The following RILP variants were observed in gnomAD, a reference collection of about 807,000 sequenced individuals.
The protein encoded by RILP is Rab interacting lysosomal protein.
In RILP, 53 loss-of-function variants were observed where a neutral mutation model predicts 40.0. The observed-to-expected ratio is 1.32, with a 90% CI of 1.06 to 1.66. The LOEUF (loss-of-function observed/expected upper bound fraction) is 1.66, where lower values mean the gene tolerates loss of function less well. RILP is among the 40% of genes most tolerant of loss of function. The probability of loss-of-function intolerance (pLI) is 0.00; values close to 1 mark genes in which losing one functional copy is unlikely to be tolerated. For synonymous variants in RILP, 272 were observed against 250.6 expected (o/e 1.09, Z -0.80); for missense variants, 626 against 551.7 (o/e 1.13, Z -1.35).
At position 1,649,495 on chromosome 17, in the gene RILP, G is replaced by C. The variant is rs981896746; in HGVS notation, c.239C>G (p.Ser80Trp). The change falls in exon 2 of 8, where the codon TCG (serine) becomes TGG (tryptophan). Residue 80 changes from serine (S) to tryptophan (W), a missense_variant. Transcript: ENST00000301336. The surrounding 1 kb of genome is among the most constrained non-coding windows in gnomAD (Gnocchi z 4.3). Reference protein sequence around the residue: ...VGPAPDSLQVSAQPAEQELRR... With the variant: ...VGPAPDSLQVWAQPAEQELRR... Reference sequence around the variant, plus strand: ...CAGCTCCTGCTCCGCCGGCTGCGCCGACACCTGCAGCTGGGGAGACCCGGG... The same window carrying C: ...CAGCTCCTGCTCCGCCGGCTGCGCCCACACCTGCAGCTGGGGAGACCCGGG... The C allele has an allele frequency of 1.9e-5, 28 of 1,508,624 alleles. No individual in the cohort carries two copies. The highest frequency in any genetic ancestry group is 8.8e-6 in the Non-Finnish European group (10 of 1,137,008). 93.5% of individuals were successfully genotyped at this position (1,508,624 alleles called of 1,614,324 possible). A position where few individuals can be genotyped will look rare whatever the true frequency, so the allele number is the denominator to read the frequency against.
Position 1,646,483 on chromosome 17 carries a change from C to T in RILP, c.1165G>A (p.Glu389Lys), listed in dbSNP as rs750685599. 66 of 1,605,744 alleles carry T rather than the reference C, an allele frequency of 4.1e-5. No homozygotes were observed. Among genetic ancestry groups the T allele is most frequent in the Non-Finnish European group, 5.2e-5 (61 of 1,176,620 alleles). ...GCTGAGGCCCCCAGACAAAGGTGTT[C>T]GTGGAGGGCAGAACAGGGCGGATCA... The part of the protein sequence containing the change: ...APDPPCSALH[E>K]HLCLGASAAP... The change falls in exon 8 of 8, where the codon GAA becomes AAA. Residue 389 changes from glutamate to lysine, a missense_variant. By Grantham distance (56) the Glu-to-Lys change is moderately conservative. Coordinates refer to ENST00000301336, the MANE Select transcript of RILP (RefSeq NM_031430.3). This position sits in a 1 kb window ranked among gnomAD's most constrained non-coding sequence, Gnocchi z 4.3.
At chr17:1,647,098 G>T in intron 6 of RILP, 109 bp from the exon 7 acceptor site, 1 of 589,990 alleles carries the variant, frequency 1.7e-6, no homozygotes, top group Non-Finnish European at 2.8e-6. Flanking sequence ...GGGCTGGAGA[G>T]AAGGCAACCC....
Position 1,649,073 on chromosome 17 carries a change from C to T in RILP, c.430-29G>A. 1.9e-6 allele frequency: 1 copy of T among 521,590 alleles called. No individual in the cohort carries two copies. Among genetic ancestry groups the T allele is most frequent in the Admixed American group, 2.7e-4 (1 of 3,688 alleles). 32.3% of individuals were successfully genotyped at this position (521,590 alleles called of 1,614,324 possible). On this transcript the variant is annotated intron_variant, in intron 3 of 7. Transcript: ENST00000301336. This position sits in a 1 kb window ranked among gnomAD's most constrained non-coding sequence, Gnocchi z 4.3. ...GGAGCGGAGCAAAGGGTGGGGTGGG[C>T]GGGGCACCGAGGGCCCCCCGGAGCC...
In RILP at chr17:1,648,821, G is replaced by A. The variant is rs1156243099; in HGVS notation, c.653C>T (p.Ala218Val). The A allele has an allele frequency of 1.3e-6, 2 of 1,527,394 alleles. No individual in the cohort carries two copies. Among genetic ancestry groups the A allele is most frequent in the Admixed American group, 4.1e-5 (2 of 48,516 alleles). 94.6% of individuals were successfully genotyped at this position (1,527,394 alleles called of 1,614,324 possible). A position where few individuals can be genotyped will look rare whatever the true frequency, so the allele number is the denominator to read the frequency against. ...CACCGGGTCCTCAGGGTTCCCTGGG[G>A]CGCCTGCGCCGGCGGTCGCCCATTC... ...EPEWATAGAG[A>V]PGNPEDPAEA... The change falls in exon 4 of 8, where the codon GCC (alanine) becomes GTC (valine). Residue 218 changes from alanine to valine, a missense_variant. By Grantham distance (64) the Ala-to-Val change is moderately conservative. Transcript: ENST00000301336. The surrounding 1 kb of genome is among the most constrained non-coding windows in gnomAD (Gnocchi z 4.9).
In RILP at chr17:1,649,486, G is replaced by T. The variant is rs934175027; in HGVS notation, c.248C>A (p.Pro83Gln). ...CAGCCGCCGCAGCTCCTGCTCCGCC[G>T]GCTGCGCCGACACCTGCAGCTGGGG... ...APDSLQVSAQPAEQELRRLRE... is the reference protein window; with the variant it reads ...APDSLQVSAQQAEQELRRLRE... The change falls in exon 2 of 8, where the codon CCG (proline) becomes CAG (glutamine). Residue 83 changes from proline to glutamine, a missense_variant. Coordinates refer to ENST00000301336, the MANE Select transcript of RILP (RefSeq NM_031430.3). The surrounding 1 kb of genome is among the most constrained non-coding windows in gnomAD (Gnocchi z 4.3). 1.3e-5 allele frequency: 19 copies of T among 1,509,694 alleles called. 1 individual carries two copies. The highest frequency in any genetic ancestry group is 1.7e-5 in the Non-Finnish European group (19 of 1,137,478). 93.5% of individuals were successfully genotyped at this position (1,509,694 alleles called of 1,614,324 possible).
rs534151615 is a variant in RILP, at chr17:1,648,406, C to T, written c.765G>A (p.Arg255=). The T allele has an allele frequency of 1.1e-5, 18 of 1,614,038 alleles. No individual in the cohort carries two copies. Among genetic ancestry groups the T allele is most frequent in the Non-Finnish European group, 1.5e-5 (18 of 1,180,028 alleles). ...REEFEQILQE[R]NELKAKVFLL... The stretch of plus-strand genomic sequence containing the variant: ...GGAACACTTTGGCTTTGAGTTCATT[C>T]CGCTCCTGAAGGATCTGCTCAAACT... Residue 255 remains arginine, a synonymous_variant, in exon 5 of 8, where the codon CGG becomes CGA. Transcript: ENST00000301336. This position sits in a 1 kb window ranked among gnomAD's most constrained non-coding sequence, Gnocchi z 4.9.
rs1398118496 is a variant in RILP at position 1,648,834 on chromosome 17, C to T, written c.640G>A (p.Ala214Thr). The change falls in exon 4 of 8, where the codon GCC becomes ACC. Residue 214 changes from alanine to threonine, a missense_variant. By Grantham distance (58) the Ala-to-Thr change is moderately conservative. Coordinates refer to ENST00000301336, the MANE Select transcript of RILP (RefSeq NM_031430.3). The surrounding 1 kb of genome is among the most constrained non-coding windows in gnomAD (Gnocchi z 4.9). ...QHGQEPEWAT[A>T]GAGAPGNPED... ...GGGTTCCCTGGGGCGCCTGCGCCGG[C>T]GGTCGCCCATTCGGGCTCCTGTCCG... 4 of 1,535,752 alleles carry T rather than the reference C, an allele frequency of 2.6e-6. No homozygotes were observed. The South Asian group carries it at 3.6e-5, about 14-fold the overall frequency.
chr17:1,649,152 T>TGCCACGCTCCGCCCCC lies in RILP; in HGVS notation c.429+32_429+47dup, dbSNP rs1910803182. On this transcript the variant is annotated intron_variant, in intron 3 of 7. Transcript: ENST00000301336. This position sits in a 1 kb window ranked among gnomAD's most constrained non-coding sequence, Gnocchi z 4.3. ...CGCCCCCGGAGCCCCGCCCAGCGCC[T>TGCCACGCTCCGCCCCC]GCCACGCTCCGCCCCCGCCCCGCCC... The TGCCACGCTCCGCCCCC allele has an allele frequency of 6.9e-6, 5 of 720,740 alleles. No homozygotes were observed. The highest frequency in any genetic ancestry group is 9.2e-6 in the Non-Finnish European group (5 of 542,296). The allele number at this position is 720,740 out of a possible 1,614,324, so 44.6% of individuals were successfully genotyped here.
Position 1,648,004 on chromosome 17 carries a change from A to G in RILP, c.822-47T>C, listed in dbSNP as rs1910714680. On this transcript the variant is annotated intron_variant, in intron 5 of 7. Coordinates refer to ENST00000301336, the MANE Select transcript of RILP (RefSeq NM_031430.3). This position sits in a 1 kb window ranked among gnomAD's most constrained non-coding sequence, Gnocchi z 4.9. Reference sequence around the variant, plus strand: ...GGAGAAAGCCCTGGTGATGCCAGCCATGGGGATGCCAGCAGTGGAGATGCC... The same window carrying G: ...GGAGAAAGCCCTGGTGATGCCAGCCGTGGGGATGCCAGCAGTGGAGATGCC... 1 of 1,608,786 alleles carries G rather than the reference A, an allele frequency of 6.2e-7. No individual in the cohort carries two copies. Among genetic ancestry groups the G allele is most frequent in the Non-Finnish European group, 8.5e-7 (1 of 1,178,766 alleles).
At position 1,646,359 on chromosome 17, in the gene RILP, G is replaced by A. The variant is rs1413967666; in HGVS notation, c.*83C>T. On this transcript the variant is annotated 3_prime_UTR_variant, in exon 8 of 8. Transcript: ENST00000301336. This position sits in a 1 kb window ranked among gnomAD's most constrained non-coding sequence, Gnocchi z 4.3. Reference sequence around the variant, plus strand: ...CTGCCCTGATGCAGGCCAGGATTGGGGCAGACCCCTGGCGAGGGCTGTGAA... The same window carrying A: ...CTGCCCTGATGCAGGCCAGGATTGGAGCAGACCCCTGGCGAGGGCTGTGAA... The A allele has an allele frequency of 3.6e-6, 5 of 1,372,224 alleles. No homozygotes were observed. In the South Asian group the frequency reaches 7.1e-5, roughly 19 times the overall value. 85.0% of individuals were successfully genotyped at this position (1,372,224 alleles called of 1,614,324 possible).
rs1408008720 is a variant in RILP at position 1,649,513 on chromosome 17, G to C, written c.229-8C>G. 2 of 1,505,544 alleles carry C rather than the reference G, an allele frequency of 1.3e-6. No individual in the cohort carries two copies. Among genetic ancestry groups the C allele is most frequent in the African/African-American group, 2.9e-5 (2 of 70,042 alleles). 93.3% of individuals were successfully genotyped at this position (1,505,544 alleles called of 1,614,324 possible). A position where few individuals can be genotyped will look rare whatever the true frequency, so the allele number is the denominator to read the frequency against. ...CTGCGCCGACACCTGCAGCTGGGGAGACCCGGGTCTCAGGCTTCGGCCCTG... is the reference window on the plus strand; with the variant it reads ...CTGCGCCGACACCTGCAGCTGGGGACACCCGGGTCTCAGGCTTCGGCCCTG... On this transcript the variant is annotated splice_polypyrimidine_tract_variant and splice_region_variant and intron_variant, in intron 1 of 7. Transcript: ENST00000301336. The surrounding 1 kb of genome is among the most constrained non-coding windows in gnomAD (Gnocchi z 4.3).
At chr17:1,647,709 T>C in intron 6 of RILP, 126 bp downstream of exon 6, 1 of 1,247,530 alleles carries the variant, frequency 8.0e-7, no homozygotes, top group Non-Finnish European at 1.1e-6. Context: ...GCTCAAGGGG[T>C]GACCGGGTTG....
rs1442774933 is a variant in RILP, at chr17:1,649,060, A to G, written c.430-16T>C. ...GCTCCTGCAACTGGGAGCGGAGCAA[A>G]GGGTGGGGTGGGCGGGGCACCGAGG... On this transcript the variant is annotated splice_polypyrimidine_tract_variant and intron_variant, in intron 3 of 7. Transcript: ENST00000301336. The surrounding 1 kb of genome is among the most constrained non-coding windows in gnomAD (Gnocchi z 4.3). 3.3e-5 allele frequency: 1 copy of G among 30,162 alleles called. No individual in the cohort carries two copies. The highest frequency in any genetic ancestry group is 5.4e-5 in the Non-Finnish European group (1 of 18,524). 1.9% of individuals were successfully genotyped at this position (30,162 alleles called of 1,614,324 possible). A position where few individuals can be genotyped will look rare whatever the true frequency, so the allele number is the denominator to read the frequency against.
At position 1,646,416 on chromosome 17, in the gene RILP, C is replaced by A. The variant is rs1216356776; in HGVS notation, c.*26G>T. ...AGCCCTGTCCTCATTTGAGGCCACA[C>A]ATCCTTCCACAGCCAGACCCCTAAG... On this transcript the variant is annotated 3_prime_UTR_variant, in exon 8 of 8. Transcript: ENST00000301336. This position sits in a 1 kb window ranked among gnomAD's most constrained non-coding sequence, Gnocchi z 4.3. 1 of 1,532,860 alleles carries A rather than the reference C, an allele frequency of 6.5e-7. No homozygotes were observed. Among genetic ancestry groups the A allele is most frequent in the Non-Finnish European group, 8.8e-7 (1 of 1,141,118 alleles). The allele number at this position is 1,532,860 out of a possible 1,614,324, so 95.0% of individuals were successfully genotyped here. A position where few individuals can be genotyped will look rare whatever the true frequency, so the allele number is the denominator to read the frequency against.
rs1910774719 is a variant in RILP at position 1,648,916 on chromosome 17, C to G, written c.558G>C (p.Ala186=). The G allele has an allele frequency of 2.0e-6, 3 of 1,522,148 alleles. No individual in the cohort carries two copies. The highest frequency in any genetic ancestry group is 2.6e-6 in the Non-Finnish European group (3 of 1,141,768). The allele number at this position is 1,522,148 out of a possible 1,614,324, so 94.3% of individuals were successfully genotyped here. The part of the protein sequence containing the change: ...ERERQQPGEA[A]TPQAKERARG... ...GCGCTCGCTCTTTAGCCTGCGGAGT[C>G]GCGGCTTCGCCAGGCTGCTGGCGCT... The change falls in exon 4 of 8, where the codon GCG becomes GCC. Residue 186 remains alanine, a synonymous_variant. Coordinates refer to ENST00000301336, the MANE Select transcript of RILP (RefSeq NM_031430.3). This position sits in a 1 kb window ranked among gnomAD's most constrained non-coding sequence, Gnocchi z 4.9.
Position 1,646,290 on chromosome 17 carries a change from C to T in RILP, c.*152G>A. ...GCACTCTTATATCTGGCCCCAGAGG[C>T]TCGGTACAGAGACGTAGAGAGGGAG... On this transcript the variant is annotated 3_prime_UTR_variant, in exon 8 of 8. Transcript: ENST00000301336. The surrounding 1 kb of genome is among the most constrained non-coding windows in gnomAD (Gnocchi z 4.3). 1 of 619,060 alleles carries T rather than the reference C, an allele frequency of 1.6e-6. No homozygotes were observed. The highest frequency in any genetic ancestry group is 2.6e-6 in the Non-Finnish European group (1 of 385,064). 38.3% of individuals were successfully genotyped at this position (619,060 alleles called of 1,614,324 possible).
In RILP at chr17:1,649,351, G is replaced by A. The variant is rs1253820764; in HGVS notation, c.323-45C>T. The A allele has an allele frequency of 1.3e-6, 2 of 1,486,666 alleles. No individual in the cohort carries two copies. The highest frequency in any genetic ancestry group is 1.8e-6 in the Non-Finnish European group (2 of 1,123,926). The allele number at this position is 1,486,666 out of a possible 1,614,324, so 92.1% of individuals were successfully genotyped here. ...AGCGGCGGCGGCGCGCGGCCCGCGGGAGGGAGGGGAGGACCCGAGCAGGTC... is the reference window on the plus strand; with the variant it reads ...AGCGGCGGCGGCGCGCGGCCCGCGGAAGGGAGGGGAGGACCCGAGCAGGTC... On this transcript the variant is annotated intron_variant, in intron 2 of 7. Coordinates refer to ENST00000301336, the MANE Select transcript of RILP (RefSeq NM_031430.3). The surrounding 1 kb of genome is among the most constrained non-coding windows in gnomAD (Gnocchi z 4.3).
At chr17:1,647,599 G>T (rs1481596951) in intron 6 of RILP, among the ~76,000 whole-genome samples, 1 of 152,158 alleles carries the variant, frequency 6.6e-6, no homozygotes, top group Non-Finnish European at 1.5e-5. Context: ...GCAAGGCAAG[G>T]GGAGTGGTGA....
chr17:1,647,131 C>G (rs376859184), intron 6 of RILP, 142 bp from the exon 7 acceptor site: 5 of 459,082 alleles, frequency 1.1e-5, no homozygotes, highest in Middle Eastern at 3.4e-4. Flanking sequence ...GGATGTCGAG[C>G]CTTTAATTTT....
Sources: gnomAD v4.1 joint callset for allele counts (sites outside exome capture counted in the v4.1 genomes callset) on GRCh38, gnomAD v4.1.1 for gene constraint, Gnocchi (gnomAD v3.1) non-coding constraint, MANE v1.5 for transcripts, NCBI Gene and HGNC (gene_info 2026-07-23, HGNC 2026-07-21) for gene names.